ANKRD49: variants seen among roughly 807,000 people sequenced by gnomAD.
ANKRD49 encodes ankyrin repeat domain 49.
Under a neutral mutation model 19.6 loss-of-function variants are expected in ANKRD49, and 18 were observed. The ratio of observed to expected loss-of-function variants is 0.92; its 90% CI spans 0.63 to 1.36. The LOEUF is 1.36. Among genes scored for constraint, ANKRD49 ranks in the 40% most tolerant of loss-of-function variants. The pLI, the probability that ANKRD49 is intolerant of heterozygous loss-of-function variation, is 0.00. For synonymous variants in ANKRD49, 88 were observed against 101.8 expected (o/e 0.86, Z 0.82); for missense variants, 218 against 281.6 (o/e 0.77, Z 1.62).
chr11:94,496,593 T>C lies in ANKRD49; in HGVS notation c.-90-11T>C. On this transcript the variant is annotated splice_polypyrimidine_tract_variant and intron_variant, in intron 1 of 2. Transcript: ENST00000544612. ...TTGTTTTACTAATAACTTTTGTATT[T>C]GTGTTTTCAGATCTTGATGAACAAA... 1 of 1,100,102 alleles carries C rather than the reference T, an allele frequency of 9.1e-7. No individual in the cohort carries two copies. The highest frequency in any genetic ancestry group is 2.4e-5 in the East Asian group (1 of 41,950). 68.1% of individuals were successfully genotyped at this position (1,100,102 alleles called of 1,614,324 possible).
At position 94,496,775 on chromosome 11, in the gene ANKRD49, G is replaced by C. The variant is rs777177524; in HGVS notation, c.82G>C (p.Glu28Gln). 6.2e-7 allele frequency: 1 copy of C among 1,613,732 alleles called. No homozygotes were observed. The change falls in exon 2 of 3, where the codon GAA becomes CAA. Residue 28 changes from glutamate to glutamine, a missense_variant. Coordinates refer to ENST00000544612, the MANE Select transcript of ANKRD49 (RefSeq NM_017704.3). ...TTTTTCTGAACACTTTAACCAACTTGAATTGTTGGAAACACATGGACACCT... is the reference window on the plus strand; with the variant it reads ...TTTTTCTGAACACTTTAACCAACTTCAATTGTTGGAAACACATGGACACCT... ...LDFSEHFNQL[E>Q]LLETHGHLIP...
At chr11:94,496,580 T>C in intron 1 of ANKRD49, 24 bp from the exon 2 acceptor site, 2 of 965,550 alleles carry the variant, frequency 2.1e-6, no homozygotes, top group Admixed American at 2.6e-5. Flanking sequence ...GTTTTACTAA[T>C]AACTTTTGTA....
At position 94,496,263 on chromosome 11, in the gene ANKRD49, T is replaced by A. The variant is rs1304617898; in HGVS notation, c.-90-341T>A. On this transcript the variant is annotated intron_variant, in intron 1 of 2. Transcript: ENST00000544612. Reference sequence around the variant, plus strand: ...CTGTGTGTCTAGTTTATAAAAATCTTGAATGCACCTGTCTTCATTGTATTA... The same window carrying A: ...CTGTGTGTCTAGTTTATAAAAATCTAGAATGCACCTGTCTTCATTGTATTA... 2.0e-5 allele frequency among the ~76,000 whole-genome samples: 3 copies of A among 152,350 alleles called. No individual in the cohort carries two copies. In the South Asian group the frequency reaches 6.2e-4, roughly 32 times the overall value.
At position 94,498,626 on chromosome 11, in the gene ANKRD49, A is replaced by G; in HGVS notation, c.*94A>G. ...CAAAGTTGACGTCAAACATCTTACT[A>G]CAAAAATTCAGTGACATTCATTATA... is the stretch of plus-strand genomic sequence containing the variant. On this transcript the variant is annotated 3_prime_UTR_variant, in exon 3 of 3. Coordinates refer to ENST00000544612, the MANE Select transcript of ANKRD49 (RefSeq NM_017704.3). 1.8e-6 allele frequency: 2 copies of G among 1,102,354 alleles called. No homozygotes were observed. Among genetic ancestry groups the G allele is most frequent in the Non-Finnish European group, 2.6e-6 (2 of 762,896 alleles). 68.3% of individuals were successfully genotyped at this position (1,102,354 alleles called of 1,614,324 possible).
In ANKRD49 at chr11:94,498,060, T is replaced by A. The variant is rs766508532; in HGVS notation, c.259-11T>A. On this transcript the variant is annotated splice_polypyrimidine_tract_variant and intron_variant, in intron 2 of 2. Coordinates refer to ENST00000544612, the MANE Select transcript of ANKRD49 (RefSeq NM_017704.3). Reference sequence around the variant, plus strand: ...GAGTTGAGTTGAAAGATTTCTTTTTTTTCTTCTCAGCTTACCACAGTGCGG... The same window carrying A: ...GAGTTGAGTTGAAAGATTTCTTTTTATTCTTCTCAGCTTACCACAGTGCGG... The A allele has an allele frequency of 1.0e-5, 16 of 1,545,414 alleles. No individual in the cohort carries two copies. Among genetic ancestry groups the A allele is most frequent in the Non-Finnish European group, 1.3e-5 (15 of 1,148,016 alleles).
chr11:94,496,230 T>C (rs752998517), intron 1 of ANKRD49, among the ~76,000 whole-genome samples: 1 of 152,228 alleles, frequency 6.6e-6, no homozygotes, highest in Non-Finnish European at 1.5e-5. Flanking sequence ...ATTTCTGCTC[T>C]ATATTATCTG....
At chr11:94,496,299 A>G (rs1467178047) in intron 1 of ANKRD49, among the ~76,000 whole-genome samples, 1 of 152,332 alleles carries the variant, frequency 6.6e-6, no homozygotes, top group African/African-American at 2.4e-5. Context: ...GTTATACTTC[A>G]AAACCTTTAA....
At position 94,497,421 on chromosome 11, in the gene ANKRD49, C is replaced by T. The variant is rs550989905; in HGVS notation, c.258+470C>T. On this transcript the variant is annotated intron_variant, in intron 2 of 2. Transcript: ENST00000544612. ...CCTATTCCCTCTGCTTGGCCACTTCCACCTCATTTTACTAAGTTTCCCCAT... is the reference window on the plus strand; with the variant it reads ...CCTATTCCCTCTGCTTGGCCACTTCTACCTCATTTTACTAAGTTTCCCCAT... 7.9e-5 allele frequency: 15 copies of T among 190,326 alleles called. No individual in the cohort carries two copies. In the South Asian group the frequency reaches 2.2e-3, roughly 28 times the overall value. The allele number at this position is 190,326 out of a possible 1,614,324, so 11.8% of individuals were successfully genotyped here. A position where few individuals can be genotyped will look rare whatever the true frequency, so the allele number is the denominator to read the frequency against.
intron 1 of ANKRD49, among the ~76,000 whole-genome samples, chr11:94,494,408 G>C (rs988750627): frequency 1.3e-5 from 2 of 152,218 alleles, no homozygotes; most frequent in Non-Finnish European, 2.9e-5. Flanking sequence ...TAGAACTTTT[G>C]AATTAGAACG....
At chr11:94,495,064 C>T (rs1413799103) in intron 1 of ANKRD49, among the ~76,000 whole-genome samples, 4 of 152,124 alleles carry the variant, frequency 2.6e-5, no homozygotes, top group Non-Finnish European at 5.9e-5. Flanking sequence ...CTTAGGAATA[C>T]TTTAGTAAAA....
intron 1 of ANKRD49, among the ~76,000 whole-genome samples, chr11:94,495,338 G>C (rs1410647494): frequency 2.0e-5 from 3 of 152,140 alleles, no homozygotes; most frequent in African/African-American, 7.2e-5. Context: ...ACTTCTTAAT[G>C]CCTTCTATAG....
Position 94,498,035 on chromosome 11 carries a change from G to T in ANKRD49, c.259-36G>T. On this transcript the variant is annotated intron_variant, in intron 2 of 2. Coordinates refer to ENST00000544612, the MANE Select transcript of ANKRD49 (RefSeq NM_017704.3). ...TTTGTTTTAGTTATTGTTTTGGTTT[G>T]AGTTGAGTTGAAAGATTTCTTTTTT... 1 of 1,482,202 alleles carries T rather than the reference G, an allele frequency of 6.7e-7. No homozygotes were observed. Among genetic ancestry groups the T allele is most frequent in the East Asian group, 2.3e-5 (1 of 43,778 alleles). 91.8% of individuals were successfully genotyped at this position (1,482,202 alleles called of 1,614,324 possible).
chr11:94,495,380 G>T (rs1200211011), intron 1 of ANKRD49, among the ~76,000 whole-genome samples: 1 of 152,114 alleles, frequency 6.6e-6, no homozygotes, highest in East Asian at 1.9e-4. Context: ...GTTAAATGTG[G>T]TCCTTATCTT....
intron 1 of ANKRD49, 99 bp from the exon 2 acceptor site, chr11:94,496,505 T>G: frequency 1.9e-6 from 1 of 536,660 alleles, no homozygotes. Context: ...AACAAGAGTT[T>G]AGACAGGGTT....
rs1241168659 is a variant in ANKRD49 at position 94,499,190 on chromosome 11, A to C, written c.*658A>C. 6.5e-6 allele frequency: 1 copy of C among 153,066 alleles called. No homozygotes were observed. The highest frequency in any genetic ancestry group is 2.4e-5 in the African/African-American group (1 of 41,448). 9.5% of individuals were successfully genotyped at this position (153,066 alleles called of 1,614,324 possible). A position where few individuals can be genotyped will look rare whatever the true frequency, so the allele number is the denominator to read the frequency against. On this transcript the variant is annotated 3_prime_UTR_variant, in exon 3 of 3. Transcript: ENST00000544612. ...TTTACACAATCCTGTGGATAGTCCT[A>C]CCTCACCCTGGTCAACCTACATGAT...
intron 2 of ANKRD49, chr11:94,497,565 G>C (rs1947432990): frequency 6.4e-6 from 1 of 155,960 alleles, no homozygotes; most frequent in African/African-American, 2.4e-5. Flanking sequence ...CAACCTAAAA[G>C]GTTGTTTCTA....
rs771617994 is a variant in ANKRD49 at position 94,496,896 on chromosome 11, A to T, written c.203A>T (p.Lys68Ile). Residue 68 changes from lysine to isoleucine, a missense_variant, in exon 2 of 3, where the codon AAA (lysine) becomes ATA (isoleucine). Lys to Ile is a moderately radical substitution (Grantham distance 102, BLOSUM62 -3). Coordinates refer to ENST00000544612, the MANE Select transcript of ANKRD49 (RefSeq NM_017704.3). ...KNEEWYRLQEKKMEKDPSRLL... is the reference protein window; with the variant it reads ...KNEEWYRLQEIKMEKDPSRLL... ...GAAGAGTGGTATCGATTGCAAGAAA[A>T]AAAAATGGAAAAAGACCCAAGCAGA... 2 of 1,613,932 alleles carry T rather than the reference A, an allele frequency of 1.2e-6. No individual in the cohort carries two copies. The highest frequency in any genetic ancestry group is 1.7e-6 in the Non-Finnish European group (2 of 1,179,982).
chr11:94,498,001 C>A, intron 2 of ANKRD49, 70 bp from the exon 3 acceptor site: 2 of 1,223,276 alleles, frequency 1.6e-6, no homozygotes, highest in African/African-American at 1.5e-5. Context: ...TCTAACACCA[C>A]AAGACAATTT....
chr11:94,496,596 G>A lies in ANKRD49; in HGVS notation c.-90-8G>A. The stretch of plus-strand genomic sequence containing the variant: ...TTTTACTAATAACTTTTGTATTTGT[G>A]TTTTCAGATCTTGATGAACAAAGCA... On this transcript the variant is annotated splice_polypyrimidine_tract_variant and splice_region_variant and intron_variant, in intron 1 of 2. Transcript: ENST00000544612. 1 of 1,141,490 alleles carries A rather than the reference G, an allele frequency of 8.8e-7. No homozygotes were observed. Among genetic ancestry groups the A allele is most frequent in the Non-Finnish European group, 1.2e-6 (1 of 813,274 alleles). The allele number at this position is 1,141,490 out of a possible 1,614,324, so 70.7% of individuals were successfully genotyped here.
Sources: gnomAD v4.1 joint callset for allele counts (sites outside exome capture counted in the v4.1 genomes callset) on GRCh38, gnomAD v4.1.1 for gene constraint, MANE v1.5 for transcripts, NCBI Gene and HGNC (gene_info 2026-07-23, HGNC 2026-07-21) for gene names.